The following TDRD7 variants were observed in gnomAD, a reference collection of about 807,000 sequenced individuals.
TDRD7 encodes tudor domain containing 7.
Under a neutral mutation model 109.8 loss-of-function variants are expected in TDRD7, and 47 were observed. The observed-to-expected ratio is 0.43, with a 90% CI of 0.34 to 0.55. The LOEUF is 0.55. TDRD7 is among the 20% of genes least tolerant of loss of function. The probability of loss-of-function intolerance (pLI) is 0.03; values close to 1 mark genes in which losing one functional copy is unlikely to be tolerated. For synonymous variants in TDRD7, 424 were observed against 457.3 expected, an observed-to-expected ratio of 0.93 and a Z score of 0.93; for missense variants, 1,164 against 1,319.2, an observed-to-expected ratio of 0.88 and a Z score of 1.82.
At chr9:97,485,500 G>A (rs1348885231) in intron 15 of TDRD7, among the ~76,000 whole-genome samples, 1 of 152,126 alleles carries the variant, frequency 6.6e-6, no homozygotes, top group African/African-American at 2.4e-5. Flanking sequence ...CCACCAATTT[G>A]CCCTGTACAA....
chr9:97,473,674 G>C (rs754499994), intron 11 of TDRD7, 48 bp downstream of exon 11: 1 of 1,611,014 alleles, frequency 6.2e-7, no homozygotes, highest in Non-Finnish European at 8.5e-7. Flanking sequence ...AAAATTACAA[G>C]CAAGAGTAAT....
At chr9:97,487,369 T>C (rs11789231) in intron 16 of TDRD7, 37 bp downstream of exon 16, 2 of 1,613,460 alleles carry the variant, frequency 1.2e-6, no homozygotes, top group Non-Finnish European at 1.7e-6. Flanking sequence ...GCTACAACAA[T>C]GCAATATTGT....
chr9:97,467,715 T>A (rs1211738452), intron 8 of TDRD7, among the ~76,000 whole-genome samples: 2 of 152,234 alleles, frequency 1.3e-5, no homozygotes, highest in Non-Finnish European at 2.9e-5. Flanking sequence ...TGATGTGATC[T>A]CATTTAGATG....
intron 15 of TDRD7, 28 bp from the exon 16 acceptor site, chr9:97,487,139 TTTCTC>T (rs1251194196): frequency 6.2e-6 from 10 of 1,613,102 alleles, no homozygotes; most frequent in Non-Finnish European, 8.5e-6. Context: ...GTTTATGTGT[TTTCTC>T]TTCCTTTTTA....
At chr9:97,477,557 T>G (rs1430421301) in intron 12 of TDRD7, among the ~76,000 whole-genome samples, 1 of 152,194 alleles carries the variant, frequency 6.6e-6, no homozygotes. Context: ...ATATCTAGTA[T>G]TATTTTTGTT....
In TDRD7 at chr9:97,464,927, C is replaced by T. The variant is rs746878811; in HGVS notation, c.1528C>T (p.Pro510Ser). 3 of 1,614,138 alleles carry T rather than the reference C, an allele frequency of 1.9e-6. No individual in the cohort carries two copies. The highest frequency in any genetic ancestry group is 2.5e-6 in the Non-Finnish European group (3 of 1,180,018). Residue 510 changes from proline (P) to serine (S), a missense_variant, in exon 8 of 17, where the codon CCA becomes TCA. Physicochemically the swap from Pro to Ser is moderately conservative, Grantham distance 74. Around this residue, in one of 5 missense-constraint regions of TDRD7, gnomAD observed 261 missense variants for 336.2 expected, o/e 0.78. Transcript: ENST00000355295. Reference protein sequence around the residue: ...EYYSKNPKITPVQAVNVGQLL... With the variant: ...EYYSKNPKITSVQAVNVGQLL... ...TTACAGTAAGAATCCTAAGATCACA[C>T]CAGTCCAGGCTGTGAATGTTGGGCA... is the stretch of plus-strand genomic sequence containing the variant.
chr9:97,440,015 T>C (rs1372150284), intron 5 of TDRD7, among the ~76,000 whole-genome samples: 2 of 152,224 alleles, frequency 1.3e-5, no homozygotes, highest in African/African-American at 4.8e-5. Flanking sequence ...TATTTGCTGC[T>C]TTAAGTGTGA....
chr9:97,486,674 GCTCCAAAACACTATGCCCT>G (rs1235416397), intron 15 of TDRD7, among the ~76,000 whole-genome samples: 2 of 152,096 alleles, frequency 1.3e-5, no homozygotes, highest in East Asian at 3.9e-4. Context: ...GGTTTGCTCT[GCTCCAAAACACTATGCCCT>G]CTCCAGTCCT....
Position 97,487,215 on chromosome 9 carries a change from G to A in TDRD7, c.2959G>A (p.Val987Ile), listed in dbSNP as rs778769271. The change falls in exon 16 of 17, where the codon GTA (valine) becomes ATA (isoleucine). Residue 987 changes from valine (V) to isoleucine (I), a missense_variant. Transcript: ENST00000355295. ...LLKGILTNGL[V>I]SVYELDYGKH... ...AAAAGGAATCCTGACCAATGGACTG[G>A]TATCTGTGTATGAGCTGGATTATGG... The A allele has an allele frequency of 1.2e-6, 2 of 1,613,814 alleles. No homozygotes were observed. Among genetic ancestry groups the A allele is most frequent in the East Asian group, 4.5e-5 (2 of 44,882 alleles).
chr9:97,427,673 G>A lies in TDRD7; in HGVS notation c.-6-787G>A, dbSNP rs2118274438. On this transcript the variant is annotated intron_variant, in intron 1 of 16. Transcript: ENST00000355295. ...TCATTACTCTCTACCTTACTTCTAA[G>A]CTGGAAACATTGGAGCCCACCTCTT... 2.6e-5 allele frequency among the ~76,000 whole-genome samples: 4 copies of A among 152,186 alleles called. No individual in the cohort carries two copies. The South Asian group carries it at 6.2e-4, about 24-fold the overall frequency.
chr9:97,420,623 T>C (rs930334185), intron 1 of TDRD7, among the ~76,000 whole-genome samples: 8 of 152,214 alleles, frequency 5.3e-5, no homozygotes, highest in Non-Finnish European at 1.0e-4. Context: ...TTCCTTTCTA[T>C]TACTGAATAG....
intron 1 of TDRD7, among the ~76,000 whole-genome samples, chr9:97,413,123 C>T (rs1360242704): frequency 1.3e-5 from 2 of 152,216 alleles, no homozygotes; most frequent in Non-Finnish European, 2.9e-5. Context: ...CATTAACCCT[C>T]CTACCAACAC....
chr9:97,474,180 A>G (rs1828970653), intron 11 of TDRD7, among the ~76,000 whole-genome samples: 1 of 151,740 alleles, frequency 6.6e-6, no homozygotes, highest in Non-Finnish European at 1.5e-5. Flanking sequence ...TAATTCTACT[A>G]TTTTTTTCTG....
At chr9:97,490,048 A>G (rs1829275323) in intron 16 of TDRD7, among the ~76,000 whole-genome samples, 1 of 152,322 alleles carries the variant, frequency 6.6e-6, no homozygotes, top group South Asian at 2.1e-4. Context: ...ACACACACAC[A>G]CGCATACAGA....
rs147650391 is a variant in TDRD7, at chr9:97,478,747, A to C, written c.2301+174A>C. 53 of 823,128 alleles carry C rather than the reference A, an allele frequency of 6.4e-5. No homozygotes were observed. The East Asian group carries it at 1.3e-3, about 20-fold the overall frequency. The allele number at this position is 823,128 out of a possible 1,614,324, so 51.0% of individuals were successfully genotyped here. ...TAAAACATTGCTGACTTAGACAAGAAGACCAGTCATATTTACATACTGTTG... is the reference window on the plus strand; with the variant it reads ...TAAAACATTGCTGACTTAGACAAGACGACCAGTCATATTTACATACTGTTG... On this transcript the variant is annotated intron_variant, in intron 13 of 16. Transcript: ENST00000355295.
At chr9:97,445,601 C>T (rs952592072) in intron 6 of TDRD7, among the ~76,000 whole-genome samples, 1 of 152,042 alleles carries the variant, frequency 6.6e-6, no homozygotes, top group Non-Finnish European at 1.5e-5. Context: ...GAGAAAAGCA[C>T]CTCAGACAAA....
intron 1 of TDRD7, among the ~76,000 whole-genome samples, chr9:97,413,394 G>C (rs1410136626): frequency 6.6e-6 from 1 of 152,012 alleles, no homozygotes; most frequent in African/African-American, 2.4e-5. Flanking sequence ...TTTTCTATGT[G>C]TCAAATAGAG....
At chr9:97,478,347 A>G in intron 12 of TDRD7, 92 bp from the exon 13 acceptor site, 3 of 1,411,692 alleles carry the variant, frequency 2.1e-6, no homozygotes, top group Non-Finnish European at 3.0e-6. Flanking sequence ...TCCTTTTAAT[A>G]TGCATTCAGG....
intron 6 of TDRD7, among the ~76,000 whole-genome samples, chr9:97,459,100 C>T (rs879329390): frequency 3.9e-5 from 6 of 152,180 alleles, no homozygotes; most frequent in Non-Finnish European, 7.3e-5. Flanking sequence ...ATTTTAACTT[C>T]AGTCTAATGG....
Sources: gnomAD v4.1 joint callset for allele counts (sites outside exome capture counted in the v4.1 genomes callset) on GRCh38, gnomAD v4.1.1 for gene constraint, gnomAD v4.1.1 regional missense constraint, MANE v1.5 for transcripts, NCBI Gene and HGNC (gene_info 2026-07-23, HGNC 2026-07-21) for gene names.